Variants in MTMR7 observed in about 807,000 individuals in gnomAD.
The protein encoded by MTMR7 is phosphatidylinositol-3-phosphate phosphatase MTMR7.
MTMR7 carries 76 observed loss-of-function variants against 81.2 expected under a neutral mutation model. That is an observed-to-expected ratio of 0.94 (90% confidence interval 0.78 to 1.13). MTMR7 has a LOEUF of 1.13. MTMR7 is among the 50% of genes most tolerant of loss of function. The pLI, the probability that MTMR7 is intolerant of heterozygous loss-of-function variation, is 0.00. For synonymous variants in MTMR7, 372 were observed against 289.8 expected (o/e 1.28, Z -2.88); for missense variants, 1,044 against 820.0 (o/e 1.27, Z -3.34).
chr8:17,367,148 T>C (rs901239563), intron 3 of MTMR7, among the ~76,000 whole-genome samples: 1 of 152,076 alleles, frequency 6.6e-6, no homozygotes, highest in Non-Finnish European at 1.5e-5. Context: ...ATATAAAAAG[T>C]TACCAATAAA....
chr8:17,304,467 C>T lies in MTMR7; in HGVS notation c.1405G>A (p.Asp469Asn), dbSNP rs779340824. 1.4e-5 allele frequency: 23 copies of T among 1,613,844 alleles called. No homozygotes were observed. Among genetic ancestry groups the T allele is most frequent in the Admixed American group, 3.3e-5 (2 of 59,994 alleles). ...GCTCTAAACAGAGGATTCAGGTAGT[C>T]GGCCCGATTCTTCCACAGGTGAGCC... is the stretch of plus-strand genomic sequence containing the variant. ...LWAHLWKNRA[D>N]YLNPLFRADH... The change falls in exon 12 of 14, where the codon GAC becomes AAC. Residue 469 changes from aspartate to asparagine, a missense_variant. Coordinates refer to ENST00000180173, the MANE Select transcript of MTMR7 (RefSeq NM_004686.5).
intron 4 of MTMR7, among the ~76,000 whole-genome samples, chr8:17,360,615 C>G (rs1375527947): frequency 6.6e-6 from 1 of 151,986 alleles, no homozygotes; most frequent in Non-Finnish European, 1.5e-5. Flanking sequence ...AATTCTGCCA[C>G]TCTAGCTTCC....
Position 17,361,333 on chromosome 8 carries a change from C to T in MTMR7, c.311-59G>A, listed in dbSNP as rs1370107367. On this transcript the variant is annotated intron_variant, in intron 3 of 13. Transcript: ENST00000180173. The stretch of plus-strand genomic sequence containing the variant: ...CTTAGTCAAAACCAGAGCCAAATCT[C>T]CCCGAAAACATTCTGTCCCACCTGG... The T allele has an allele frequency of 1.9e-6, 3 of 1,594,090 alleles. No homozygotes were observed. The Admixed American group carries it at 5.0e-5, about 27-fold the overall frequency.
At chr8:17,410,892 T>C (rs1455025153) in intron 1 of MTMR7, among the ~76,000 whole-genome samples, 1 of 152,118 alleles carries the variant, frequency 6.6e-6, no homozygotes, top group Non-Finnish European at 1.5e-5. Context: ...ACACAGTAAA[T>C]ATTGCTATAA....
chr8:17,397,725 C>T (rs1292660543), intron 1 of MTMR7, among the ~76,000 whole-genome samples: 1 of 152,140 alleles, frequency 6.6e-6, no homozygotes, highest in Non-Finnish European at 1.5e-5. Flanking sequence ...CTTAAGTGAA[C>T]TTTGGAAGTA....
intron 6 of MTMR7, among the ~76,000 whole-genome samples, chr8:17,333,255 A>C (rs953129483): frequency 1.3e-5 from 2 of 152,230 alleles, no homozygotes; most frequent in African/African-American, 4.8e-5. Context: ...AAATATTAAA[A>C]TAATGCATTT....
chr8:17,391,115 G>A (rs1821094923), intron 1 of MTMR7, among the ~76,000 whole-genome samples: 1 of 152,178 alleles, frequency 6.6e-6, no homozygotes, highest in East Asian at 1.9e-4. Context: ...AGGTAGATGT[G>A]GTCAAGGGTC....
At chr8:17,329,031 C>T (rs1457067149) in intron 7 of MTMR7, among the ~76,000 whole-genome samples, 1 of 152,172 alleles carries the variant, frequency 6.6e-6, no homozygotes, top group Non-Finnish European at 1.5e-5. Flanking sequence ...TGTTTGAAAC[C>T]AGAACGCAAA....
intron 1 of MTMR7, among the ~76,000 whole-genome samples, chr8:17,375,067 C>A (rs1265716266): frequency 6.6e-6 from 1 of 152,166 alleles, no homozygotes; most frequent in Non-Finnish European, 1.5e-5. Context: ...CCAGTCTGGG[C>A]AACAAGAGCA....
chr8:17,344,590 G>A (rs1484446653), intron 5 of MTMR7, among the ~76,000 whole-genome samples: 1 of 152,132 alleles, frequency 6.6e-6, no homozygotes, highest in Non-Finnish European at 1.5e-5. Context: ...CAGCCTGGGT[G>A]ACAGAGCGAG....
intron 1 of MTMR7, among the ~76,000 whole-genome samples, chr8:17,381,913 G>A (rs1227210587): frequency 6.6e-6 from 1 of 152,144 alleles, no homozygotes; most frequent in African/African-American, 2.4e-5. Flanking sequence ...TGAACTGCTG[G>A]GAGCAGGCAG....
intron 1 of MTMR7, among the ~76,000 whole-genome samples, chr8:17,388,357 G>T (rs1004006839): frequency 6.6e-6 from 1 of 152,208 alleles, no homozygotes; most frequent in Non-Finnish European, 1.5e-5. Context: ...ATTCAGGACA[G>T]ATGCTGGTTC....
chr8:17,411,210 G>C (rs1025985776), intron 1 of MTMR7, among the ~76,000 whole-genome samples: 8 of 152,028 alleles, frequency 5.3e-5, no homozygotes, highest in African/African-American at 1.7e-4. Context: ...GTTTCTTTAG[G>C]GTTGTAATTA....
intron 13 of MTMR7, among the ~76,000 whole-genome samples, chr8:17,301,471 GC>G (rs1489081253): frequency 6.6e-6 from 1 of 152,088 alleles, no homozygotes; most frequent in Non-Finnish European, 1.5e-5. Flanking sequence ...TATACAAGCA[GC>G]AAAAACCATT....
Position 17,351,094 on chromosome 8 carries a change from A to G in MTMR7, c.469-2013T>C, listed in dbSNP as rs566358766. On this transcript the variant is annotated intron_variant, in intron 4 of 13. Transcript: ENST00000180173. The stretch of plus-strand genomic sequence containing the variant: ...GACCACACCTGTTTGTTTGAGGTTC[A>G]AGAGACATGTAGTCATTGCACCAGA... Among the ~76,000 whole-genome samples the G allele has an allele frequency of 7.9e-5, 12 of 152,356 alleles. 3 individuals carry two copies. The highest frequency in any genetic ancestry group is 2.9e-4 in the African/African-American group (12 of 41,584).
intron 1 of MTMR7, among the ~76,000 whole-genome samples, chr8:17,394,092 C>A (rs1298205301): frequency 3.9e-5 from 6 of 152,136 alleles, no homozygotes; most frequent in South Asian, 2.1e-4. Flanking sequence ...TCATACATCA[C>A]TGTTAGGAAT....
At chr8:17,389,108 G>A (rs1821030681) in intron 1 of MTMR7, among the ~76,000 whole-genome samples, 1 of 152,016 alleles carries the variant, frequency 6.6e-6, no homozygotes, top group East Asian at 1.9e-4. Flanking sequence ...AAAGGACACT[G>A]CCACTCACCA....
Position 17,348,934 on chromosome 8 carries a change from A to C in MTMR7, c.597+19T>G. On this transcript the variant is annotated intron_variant, in intron 5 of 13. Coordinates refer to ENST00000180173, the MANE Select transcript of MTMR7 (RefSeq NM_004686.5). ...CTAGAAAAGCAAAGTGTAAAACAAAAACACGCCTCGAGACTTACGTGGTTA... is the reference window on the plus strand; with the variant it reads ...CTAGAAAAGCAAAGTGTAAAACAAACACACGCCTCGAGACTTACGTGGTTA... The C allele has an allele frequency of 6.2e-7, 1 of 1,613,650 alleles. No homozygotes were observed. The highest frequency in any genetic ancestry group is 8.5e-7 in the Non-Finnish European group (1 of 1,179,862).
chr8:17,302,005 C>T (rs1817149138), intron 13 of MTMR7, 149 bp downstream of exon 13: 2 of 1,025,124 alleles, frequency 2.0e-6, no homozygotes, highest in African/African-American at 1.6e-5. Flanking sequence ...TTATCTGAGT[C>T]CTGACCTGGA....
Sources: allele counts gnomAD v4.1 joint callset (sites outside exome capture counted in the v4.1 genomes callset), GRCh38; gene constraint gnomAD v4.1.1; transcripts MANE v1.5; gene names NCBI Gene and HGNC (gene_info 2026-07-23, HGNC 2026-07-21).